The following TMEM50A variants were observed in gnomAD, a reference collection of about 807,000 sequenced individuals.
TMEM50A encodes cervical cancer oncogene 9.
Under a neutral mutation model 23.9 loss-of-function variants are expected in TMEM50A, and 8 were observed. The observed-to-expected ratio is 0.33, with a 90% CI of 0.20 to 0.60. The LOEUF (loss-of-function observed/expected upper bound fraction) is 0.60. Ranked by LOEUF, TMEM50A falls within the 20% of genes least tolerant of loss-of-function variation. The pLI is 0.81. For synonymous variants in TMEM50A, 55 were observed against 60.4 expected, an observed-to-expected ratio of 0.91 and a Z score of 0.41; for missense variants, 178 against 192.7, an observed-to-expected ratio of 0.92 and a Z score of 0.45.
intron 3 of TMEM50A, among the ~76,000 whole-genome samples, chr1:25,350,003 A>G (rs1210223888): frequency 1.3e-5 from 2 of 152,252 alleles, no homozygotes; most frequent in Non-Finnish European, 2.9e-5. Context: ...AAAGAAAGCA[A>G]GCCTATCTCA....
intron 3 of TMEM50A, among the ~76,000 whole-genome samples, chr1:25,345,103 T>A (rs1383028892): frequency 1.3e-5 from 2 of 151,456 alleles, no homozygotes; most frequent in Non-Finnish European, 2.9e-5. Flanking sequence ...CCACTGTTTT[T>A]CCAGTTACCA....
At chr1:25,352,469 C>A (rs1382314389) in intron 4 of TMEM50A, among the ~76,000 whole-genome samples, 2 of 141,216 alleles carry the variant, frequency 1.4e-5, no homozygotes, top group African/African-American at 5.4e-5. Context: ...GCACTCCAGC[C>A]TAGGAGACAG....
At chr1:25,346,491 G>C (rs566077541) in intron 3 of TMEM50A, among the ~76,000 whole-genome samples, 5 of 152,078 alleles carry the variant, frequency 3.3e-5, no homozygotes, top group Non-Finnish European at 7.4e-5. Context: ...AAAATCCTGG[G>C]CTTAAGCAGT....
At chr1:25,351,605 G>T in intron 3 of TMEM50A, 21 bp from the exon 4 acceptor site, 1 of 1,590,908 alleles carries the variant, frequency 6.3e-7, no homozygotes, top group South Asian at 1.2e-5. Flanking sequence ...CTGATTTCTT[G>T]GTTTTATTTT....
chr1:25,355,838 AATCTTAGTTAATGGCTGGCTACTCT>A (rs1436476091), intron 5 of TMEM50A, among the ~76,000 whole-genome samples: 1 of 152,208 alleles, frequency 6.6e-6, no homozygotes, highest in Non-Finnish European at 1.5e-5. Flanking sequence ...CAGTCCTTCC[AATCTTAGTTAATGGCTGGCTACTCT>A]ATCTTTCCAG....
At chr1:25,353,426 G>A (rs193226976) in intron 5 of TMEM50A, among the ~76,000 whole-genome samples, 8 of 152,242 alleles carry the variant, frequency 5.3e-5, no homozygotes, top group Non-Finnish European at 8.8e-5. Flanking sequence ...AGGGCCACAA[G>A]CACACACAAC....
chr1:25,343,228 A>T (rs1172289233), intron 3 of TMEM50A, among the ~76,000 whole-genome samples, 155 bp downstream of exon 3: 3 of 152,206 alleles, frequency 2.0e-5, no homozygotes, highest in African/African-American at 7.2e-5. Flanking sequence ...TTATACAGAA[A>T]AGCAGCAGTC....
intron 3 of TMEM50A, among the ~76,000 whole-genome samples, chr1:25,348,610 G>A (rs992454851): frequency 7.2e-5 from 11 of 151,812 alleles, no homozygotes; most frequent in Admixed American, 1.3e-4. Flanking sequence ...GCTTGAACCC[G>A]GGAGGTGGAG....
chr1:25,358,046 C>T (rs1645354606), intron 6 of TMEM50A, among the ~76,000 whole-genome samples: 1 of 151,346 alleles, frequency 6.6e-6, no homozygotes, highest in South Asian at 2.1e-4. Context: ...CTCCCAGGTT[C>T]AAGTGATTCT....
At chr1:25,353,787 T>C (rs1645304715) in intron 5 of TMEM50A, among the ~76,000 whole-genome samples, 1 of 152,172 alleles carries the variant, frequency 6.6e-6, no homozygotes, top group Non-Finnish European at 1.5e-5. Context: ...AAAATTGCTA[T>C]GGGTGTCATA....
chr1:25,359,677 G>A (rs1645374066), intron 6 of TMEM50A, among the ~76,000 whole-genome samples: 1 of 152,126 alleles, frequency 6.6e-6, no homozygotes, highest in South Asian at 2.1e-4. Context: ...TGTCATACTA[G>A]TCTCCTGGGC....
chr1:25,358,179 C>T (rs1645356276), intron 6 of TMEM50A, among the ~76,000 whole-genome samples: 1 of 150,126 alleles, frequency 6.7e-6, no homozygotes, highest in South Asian at 2.1e-4. Context: ...GATCTCCTGA[C>T]CTCGTGACCC....
At position 25,340,532 on chromosome 1, in the gene TMEM50A, TG is replaced by T; in HGVS notation, c.52del (p.Glu18LysfsTer23). On this transcript the variant is annotated frameshift_variant, in exon 2 of 7. Transcript: ENST00000374358. LOFTEE classifies it high-confidence loss of function. Reference sequence around the variant, plus strand: ...CTTGAGATGCTCAGAATGCATTGACTGGGGGGAAAAGCGCAATACTATTGCT... The same window carrying T: ...CTTGAGATGCTCAGAATGCATTGACTGGGGGAAAAGCGCAATACTATTGCT... Reference protein sequence around the residue: ...EGLRCSECIDWGEKRNTIASI... With the variant: ...EGLRCSECIDXGEKRNTIASI... 1.2e-6 allele frequency: 2 copies of T among 1,613,868 alleles called. No individual in the cohort carries two copies. The highest frequency in any genetic ancestry group is 8.5e-7 in the Non-Finnish European group (1 of 1,179,974).
At chr1:25,346,088 G>A (rs1475220365) in intron 3 of TMEM50A, among the ~76,000 whole-genome samples, 7 of 151,832 alleles carry the variant, frequency 4.6e-5, no homozygotes, top group African/African-American at 4.8e-5. Flanking sequence ...ACACCCGGCC[G>A]ATATGTTTTC....
intron 6 of TMEM50A, among the ~76,000 whole-genome samples, chr1:25,360,062 G>C (rs1173378973): frequency 6.6e-6 from 1 of 151,970 alleles, no homozygotes. Flanking sequence ...AAAATCAGAC[G>C]TATAGGGCTG....
intron 3 of TMEM50A, among the ~76,000 whole-genome samples, chr1:25,348,673 G>A (rs1176939125): frequency 4.1e-5 from 4 of 97,526 alleles, no homozygotes; most frequent in Non-Finnish European, 6.3e-5. Context: ...GATAGAGCAA[G>A]ACTCCATCTC....
chr1:25,350,956 T>C (rs1381016023), intron 3 of TMEM50A, among the ~76,000 whole-genome samples: 1 of 151,204 alleles, frequency 6.6e-6, no homozygotes, highest in Admixed American at 6.6e-5. Context: ...GGTCAGGAGT[T>C]CGAGACCATC....
At chr1:25,355,515 G>C (rs982744669) in intron 5 of TMEM50A, among the ~76,000 whole-genome samples, 1 of 152,048 alleles carries the variant, frequency 6.6e-6, no homozygotes, top group Non-Finnish European at 1.5e-5. Flanking sequence ...TTTCCTGAAA[G>C]CTTCTGGAGC....
chr1:25,341,623 T>G (rs1645169583), intron 2 of TMEM50A, among the ~76,000 whole-genome samples: 1 of 152,058 alleles, frequency 6.6e-6, no homozygotes, highest in South Asian at 2.1e-4. Context: ...AGATGATCTG[T>G]CTGCCTCGGC....
Sources: gnomAD v4.1 joint callset for allele counts (sites outside exome capture counted in the v4.1 genomes callset) on GRCh38, gnomAD v4.1.1 for gene constraint, MANE v1.5 for transcripts, NCBI Gene and HGNC (gene_info 2026-07-23, HGNC 2026-07-21) for gene names.